LIPG: variants seen among roughly 807,000 people sequenced by gnomAD.
LIPG encodes lipase G, endothelial type.
Under a neutral mutation model 51.8 loss-of-function variants are expected in LIPG, and 34 were observed. The ratio of observed to expected loss-of-function variants is 0.66; its 90% confidence interval spans 0.50 to 0.87. The LOEUF (loss-of-function observed/expected upper bound fraction) is 0.87, where lower values mean the gene tolerates loss of function less well. LIPG is among the 40% of genes least tolerant of loss of function. LIPG has a pLI of 0.00. For missense variants in LIPG, 580 were observed against 652.7 expected (o/e 0.89, Z 1.21); for synonymous variants, 246 against 246.1 (o/e 1.00, Z 0.00).
chr18:49,590,238 A>G (rs955496544), intron 9 of LIPG: 6 of 580,020 alleles, frequency 1.0e-5, no homozygotes, highest in Non-Finnish European at 1.9e-5. Context: ...TGTAAATGCA[A>G]GAACTGTGAT....
At chr18:49,571,044 C>T (rs963743529) in intron 4 of LIPG, among the ~76,000 whole-genome samples, 1 of 152,150 alleles carries the variant, frequency 6.6e-6, no homozygotes, top group Non-Finnish European at 1.5e-5. Flanking sequence ...GCCTGTTGAT[C>T]CAATGACTTG....
chr18:49,566,920 A>G (rs1369630473), intron 2 of LIPG, among the ~76,000 whole-genome samples: 2 of 152,156 alleles, frequency 1.3e-5, no homozygotes, highest in Non-Finnish European at 2.9e-5. Flanking sequence ...GAAAGTTTTG[A>G]TGGGAAATAC....
chr18:49,584,720 G>A (rs1051868226), intron 8 of LIPG, among the ~76,000 whole-genome samples: 5 of 152,216 alleles, frequency 3.3e-5, no homozygotes, highest in Non-Finnish European at 5.9e-5. Context: ...CTGTGAACTG[G>A]GGGTGCTGGC....
chr18:49,581,387 G>A, intron 5 of LIPG, 28 bp from the exon 6 acceptor site: 3 of 1,614,100 alleles, frequency 1.9e-6, no homozygotes, highest in Non-Finnish European at 2.5e-6. Flanking sequence ...GGCTCATCCT[G>A]CATGCTTTTT....
At chr18:49,563,871 G>A (rs2084576018) in intron 1 of LIPG, among the ~76,000 whole-genome samples, 1 of 152,050 alleles carries the variant, frequency 6.6e-6, no homozygotes, top group African/African-American at 2.4e-5. Context: ...GTCCATATGT[G>A]GGTTTATCCG....
intron 1 of LIPG, among the ~76,000 whole-genome samples, chr18:49,562,864 T>G (rs2084565958): frequency 6.6e-6 from 1 of 152,216 alleles, no homozygotes; most frequent in African/African-American, 2.4e-5. Context: ...GGCTTTGGTT[T>G]GATTCGTGCT....
At chr18:49,590,466 G>A in intron 9 of LIPG, 35 bp from the exon 10 acceptor site, 2 of 1,591,404 alleles carry the variant, frequency 1.3e-6, no homozygotes, top group Non-Finnish European at 8.6e-7. Flanking sequence ...TGGTGTGTGA[G>A]CTAACAAATG....
rs1449808712 is a variant in LIPG at position 49,597,468 on chromosome 18, A to G, written c.*6946A>G. ...TCCTAAAAAAGACTAATATGTAAAT[A>G]AAAGGAATAAGAATCAAACAAATAT... On this transcript the variant is annotated 3_prime_UTR_variant, in exon 10 of 10. Transcript: ENST00000261292. The G allele has an allele frequency of 6.6e-6, 1 of 152,242 alleles. No homozygotes were observed. The highest frequency in any genetic ancestry group is 1.9e-4 in the East Asian group (1 of 5,206). The allele number at this position is 152,242 out of a possible 1,614,324, so 9.4% of individuals were successfully genotyped here.
intron 5 of LIPG, among the ~76,000 whole-genome samples, chr18:49,579,817 T>TCTTTTCTTTTCTTTACTTTA (rs1555778434): frequency 7.4e-6 from 1 of 135,148 alleles, no homozygotes; most frequent in African/African-American, 2.9e-5. Flanking sequence ...TCTTTTCTTT[T>TCTTTTCTTTTCTTTACTTTA]CTTTACTTTA....
chr18:49,569,143 CAGAA>C (rs1409601994), intron 3 of LIPG, among the ~76,000 whole-genome samples: 4 of 152,028 alleles, frequency 2.6e-5, no homozygotes, highest in Non-Finnish European at 4.4e-5. Flanking sequence ...TAGATACTGC[CAGAA>C]AGAACAGGAA....
At chr18:49,565,576 G>GAAACACCAGAA in intron 2 of LIPG, 78 bp downstream of exon 2, 1 of 1,523,858 alleles carries the variant, frequency 6.6e-7, no homozygotes, top group Non-Finnish European at 9.1e-7. Context: ...AAGAATTCTG[G>GAAACACCAGAA]TGTTTCCAGA....
intron 4 of LIPG, among the ~76,000 whole-genome samples, chr18:49,570,241 A>G (rs189657798): frequency 6.0e-4 from 92 of 152,370 alleles, no homozygotes; most frequent in African/African-American, 2.1e-3. Flanking sequence ...TGAATTTTCC[A>G]TGTTGAAAAC....
Position 49,591,431 on chromosome 18 carries a change from C to T in LIPG, c.*909C>T, listed in dbSNP as rs2084942876. The T allele has an allele frequency of 6.6e-6, 1 of 152,322 alleles. No homozygotes were observed. The highest frequency in any genetic ancestry group is 2.4e-5 in the African/African-American group (1 of 41,572). 9.4% of individuals were successfully genotyped at this position (152,322 alleles called of 1,614,324 possible). A position where few individuals can be genotyped will look rare whatever the true frequency, so the allele number is the denominator to read the frequency against. On this transcript the variant is annotated 3_prime_UTR_variant, in exon 10 of 10. Transcript: ENST00000261292. The stretch of plus-strand genomic sequence containing the variant: ...ACGTGTTTGATCACTAGCAGAATAG[C>T]AAGCAGAGTATCATTCATGCTGGGG...
chr18:49,574,260 G>A (rs1014346055), intron 4 of LIPG, among the ~76,000 whole-genome samples: 25 of 152,134 alleles, frequency 1.6e-4, no homozygotes, highest in African/African-American at 5.8e-4. Context: ...AAGATCTCAC[G>A]TGGACTTTGA....
rs918045989 is a variant in LIPG at position 49,598,817 on chromosome 18, G to A, written c.*8295G>A. ...ATCTGCTTTTTGTCCTTGTAGATTA[G>A]TTGCATTTTCTAGAATTTTGTATAA... On this transcript the variant is annotated 3_prime_UTR_variant, in exon 10 of 10. Coordinates refer to ENST00000261292, the MANE Select transcript of LIPG (RefSeq NM_006033.4). 4 of 152,136 alleles carry A rather than the reference G, an allele frequency of 2.6e-5. No homozygotes were observed. The highest frequency in any genetic ancestry group is 9.7e-5 in the African/African-American group (4 of 41,428). 9.4% of individuals were successfully genotyped at this position (152,136 alleles called of 1,614,324 possible).
chr18:49,583,739 G>A lies in LIPG; in HGVS notation c.1341G>A (p.Arg447=). Residue 447 remains arginine, a synonymous_variant, in exon 8 of 10, where the codon AGG becomes AGA. Coordinates refer to ENST00000261292, the MANE Select transcript of LIPG (RefSeq NM_006033.4). ...ACCCCGGACGGGAGCTGAATATCAG[G>A]CGCATCCGGGTGAAGTCTGGGGAAA... The part of the protein sequence containing the change: ...PRNPGRELNI[R]RIRVKSGETQ... 1 of 1,613,778 alleles carries A rather than the reference G, an allele frequency of 6.2e-7. No homozygotes were observed. The highest frequency in any genetic ancestry group is 1.1e-5 in the South Asian group (1 of 91,046).
Position 49,571,243 on chromosome 18 carries a change from G to A in LIPG, c.571+1695G>A, listed in dbSNP as rs1469386602. Among the ~76,000 whole-genome samples the A allele has an allele frequency of 5.3e-5, 8 of 152,188 alleles. No individual in the cohort carries two copies. The East Asian group carries it at 7.7e-4, about 15-fold the overall frequency. On this transcript the variant is annotated intron_variant, in intron 4 of 9. Transcript: ENST00000261292. ...TCTTCCTAGCCCCTGAATGAGAGGT[G>A]TGATGTTTCAGATCCAGGCACCTGA... is the stretch of plus-strand genomic sequence containing the variant.
intron 9 of LIPG, 65 bp from the exon 10 acceptor site, chr18:49,590,436 A>G (rs1454663175): frequency 6.5e-7 from 1 of 1,548,258 alleles, no homozygotes; most frequent in Non-Finnish European, 8.8e-7. Context: ...CACACCCTGA[A>G]TACAGGTTTG....
rs748470810 is a variant in LIPG, at chr18:49,575,431, G to A, written c.634G>A (p.Asp212Asn). The A allele has an allele frequency of 2.5e-6, 4 of 1,614,096 alleles. No individual in the cohort carries two copies. Among genetic ancestry groups the A allele is most frequent in the Admixed American group, 3.3e-5 (2 of 60,020 alleles). ...ADIHKRLSPD[D>N]ADFVDVLHTY... ...CATCCACAAGAGGCTCTCTCCGGAC[G>A]ATGCAGATTTTGTGGATGTCCTCCA... Residue 212 changes from aspartate (D) to asparagine (N), a missense_variant, in exon 5 of 10, where the codon GAT becomes AAT. Asp to Asn is a conservative substitution (Grantham distance 23). Transcript: ENST00000261292.
Sources: allele counts gnomAD v4.1 joint callset (sites outside exome capture counted in the v4.1 genomes callset), GRCh38; gene constraint gnomAD v4.1.1; transcripts MANE v1.5; gene names NCBI Gene and HGNC (gene_info 2026-07-23, HGNC 2026-07-21).